The following NRN1L variants were observed in gnomAD, a reference collection of about 807,000 sequenced individuals.
The protein encoded by NRN1L is neuritin-like protein.
Under a neutral mutation model 8.8 loss-of-function variants are expected in NRN1L, and 12 were observed. The observed-to-expected ratio is 1.36, with a 90% CI of 0.87 to 2.20. The LOEUF is 2.20. Ranked by LOEUF, NRN1L falls within the 30% of genes most tolerant of loss-of-function variation. NRN1L has a pLI of 0.00. For missense variants in NRN1L, 266 were observed against 232.4 expected, an observed-to-expected ratio of 1.14 and a Z score of -0.94; for synonymous variants, 114 against 99.2, an observed-to-expected ratio of 1.15 and a Z score of -0.88.
chr16:67,888,387 G>A (rs1230267629), downstream of NRN1L, among the ~76,000 whole-genome samples: 1 of 152,128 alleles, frequency 6.6e-6, no homozygotes, highest in Non-Finnish European at 1.5e-5. Flanking sequence ...CTAGGAGCAG[G>A]GGCCTGGCTG....
Position 67,884,918 on chromosome 16 carries a change from C to A in NRN1L, c.15C>A (p.Cys5Ter). The A allele has an allele frequency of 1.2e-6, 2 of 1,605,434 alleles. No individual in the cohort carries two copies. The highest frequency in any genetic ancestry group is 1.7e-4 in the Middle Eastern group (1 of 6,058). Reference sequence around the variant, plus strand: ...CTCAGCCAGGGATGATGCGCTGCTGCCGCCGCCGCTGCTGCTGCCGGCAAC... The same window carrying A: ...CTCAGCCAGGGATGATGCGCTGCTGACGCCGCCGCTGCTGCTGCCGGCAAC... The part of the protein sequence containing the change: MMRC[C>*]RRRCCCRQPP... The change falls in exon 1 of 3, where the codon TGC becomes TGA. Residue 5 changes from cysteine to a stop codon, truncating the protein, a stop_gained. Transcript: ENST00000339176. LOFTEE classifies it high-confidence loss of function. This position sits in a 1 kb window ranked among gnomAD's most constrained non-coding sequence, Gnocchi z 4.1.
At chr16:67,887,804 G>A (rs1418308513), downstream of NRN1L, among the ~76,000 whole-genome samples, 1 of 151,976 alleles carries the variant, frequency 6.6e-6, no homozygotes, top group East Asian at 1.9e-4. Flanking sequence ...GGATGGTCTC[G>A]ATCTCCTGAC....
chr16:67,887,436 C>G (rs936126669), downstream of NRN1L, among the ~76,000 whole-genome samples: 3 of 151,370 alleles, frequency 2.0e-5, no homozygotes. Context: ...CCATGCCCGA[C>G]TAATTTTATA....
chr16:67,885,713 C>CCCCCA lies in NRN1L; in HGVS notation c.80-9_80-8insCCCCA. 3 of 1,509,800 alleles carry CCCCCA rather than the reference C, an allele frequency of 2.0e-6. No homozygotes were observed. The highest frequency in any genetic ancestry group is 1.8e-6 in the Non-Finnish European group (2 of 1,104,168). 93.5% of individuals were successfully genotyped at this position (1,509,800 alleles called of 1,614,324 possible). A position where few individuals can be genotyped will look rare whatever the true frequency, so the allele number is the denominator to read the frequency against. On this transcript the variant is annotated splice_polypyrimidine_tract_variant and intron_variant, in intron 1 of 2. Transcript: ENST00000339176. ...TTCCTTCCCCACCCCACCCCCGCCCCACTTCTAGTCCTTTTACCTCCCCTG... is the reference window on the plus strand; with the variant it reads ...TTCCTTCCCCACCCCACCCCCGCCCCCCCCAACTTCTAGTCCTTTTACCTCCCCTG...
Position 67,885,702 on chromosome 16 carries a change from C to CCCCCCCCCCCCCCCACA in NRN1L, c.80-20_80-19insCCCCCCCCCCCCCCACA. 2.5e-6 allele frequency: 3 copies of CCCCCCCCCCCCCCCACA among 1,199,904 alleles called. No homozygotes were observed. The highest frequency in any genetic ancestry group is 3.5e-6 in the Non-Finnish European group (3 of 845,958). The allele number at this position is 1,199,904 out of a possible 1,614,324, so 74.3% of individuals were successfully genotyped here. A position where few individuals can be genotyped will look rare whatever the true frequency, so the allele number is the denominator to read the frequency against. ...CCTATCTACCATTCCTTCCCCACCC[C>CCCCCCCCCCCCCCCACA]ACCCCCGCCCCACTTCTAGTCCTTT... On this transcript the variant is annotated intron_variant, in intron 1 of 2. Transcript: ENST00000339176.
rs369449482 is a variant in NRN1L at position 67,884,916 on chromosome 16, T to C, written c.13T>C (p.Cys5Arg). MMRCCRRRCCCRQPP... is the reference protein window; with the variant it reads MMRCRRRRCCCRQPP... ...CTCTCAGCCAGGGATGATGCGCTGC[T>C]GCCGCCGCCGCTGCTGCTGCCGGCA... The change falls in exon 1 of 3, where the codon TGC becomes CGC. Residue 5 changes from cysteine to arginine, a missense_variant. Coordinates refer to ENST00000339176, the MANE Select transcript of NRN1L (RefSeq NM_198443.2). This position sits in a 1 kb window ranked among gnomAD's most constrained non-coding sequence, Gnocchi z 4.1. 1.1e-5 allele frequency: 18 copies of C among 1,605,324 alleles called. No individual in the cohort carries two copies. The African/African-American group carries it at 1.7e-4, about 15-fold the overall frequency.
At chr16:67,885,497 C>T (rs951641555) in intron 1 of NRN1L, 5 of 538,860 alleles carry the variant, frequency 9.3e-6, no homozygotes, top group Admixed American at 7.5e-5. Context: ...ACCTGGGGTA[C>T]ACAACACCCC....
chr16:67,887,291 AC>A (rs1413287734), downstream of NRN1L, among the ~76,000 whole-genome samples: 1 of 145,454 alleles, frequency 6.9e-6, no homozygotes, highest in African/African-American at 2.5e-5. Context: ...TTTATTCTTT[AC>A]TTTTTTTTTT....
intron 1 of NRN1L, chr16:67,885,331 T>C (rs2058090965): frequency 4.1e-6 from 2 of 488,790 alleles, no homozygotes; most frequent in African/African-American, 4.0e-5. Context: ...TTAGAGAGAG[T>C]TCGGAGGGCC....
In NRN1L at chr16:67,885,708, C is replaced by A. The variant is rs773444821; in HGVS notation, c.80-14C>A. On this transcript the variant is annotated splice_polypyrimidine_tract_variant and intron_variant, in intron 1 of 2. Transcript: ENST00000339176. ...TACCATTCCTTCCCCACCCCACCCC[C>A]GCCCCACTTCTAGTCCTTTTACCTC... is the stretch of plus-strand genomic sequence containing the variant. 3.5e-6 allele frequency: 5 copies of A among 1,419,956 alleles called. No individual in the cohort carries two copies. Among genetic ancestry groups the A allele is most frequent in the Admixed American group, 2.0e-5 (1 of 48,836 alleles). 88.0% of individuals were successfully genotyped at this position (1,419,956 alleles called of 1,614,324 possible).
At position 67,885,959 on chromosome 16, in the gene NRN1L, C is replaced by G. The variant is rs1373834968; in HGVS notation, c.213-15C>G. On this transcript the variant is annotated splice_polypyrimidine_tract_variant and intron_variant, in intron 2 of 2. Coordinates refer to ENST00000339176, the MANE Select transcript of NRN1L (RefSeq NM_198443.2). ...CTTGCCTCACCTAATCCCCCTAATC[C>G]CACTCCCTTAACAGGTCTTGGAATG... 6.2e-7 allele frequency: 1 copy of G among 1,612,830 alleles called. No homozygotes were observed. The highest frequency in any genetic ancestry group is 8.5e-7 in the Non-Finnish European group (1 of 1,179,290).
Position 67,886,163 on chromosome 16 carries a change from G to A in NRN1L, c.402G>A (p.Thr134=), listed in dbSNP as rs779900445. The A allele has an allele frequency of 9.9e-6, 16 of 1,608,072 alleles. No homozygotes were observed. Among genetic ancestry groups the A allele is most frequent in the African/African-American group, 1.3e-5 (1 of 74,904 alleles). ...RGTGSETNQE[T]LRATAPALPM... Reference sequence around the variant, plus strand: ...CAGGCTCCGAAACCAACCAGGAGACGCTGCGGGCTACAGCGCCTGCACTCC... The same window carrying A: ...CAGGCTCCGAAACCAACCAGGAGACACTGCGGGCTACAGCGCCTGCACTCC... The change falls in exon 3 of 3, where the codon ACG becomes ACA. Residue 134 remains threonine (T), a synonymous_variant. Transcript: ENST00000339176.
chr16:67,885,245 C>G, intron 1 of NRN1L: 1 of 584,386 alleles, frequency 1.7e-6, no homozygotes, highest in African/African-American at 1.9e-5. Context: ...CGTAGGATCC[C>G]TAAGTCCTCT....
In NRN1L at chr16:67,885,713, C is replaced by CCCCAACA; in HGVS notation, c.80-9_80-8insCCCAACA. 6.6e-7 allele frequency: 1 copy of CCCCAACA among 1,509,808 alleles called. No homozygotes were observed. The highest frequency in any genetic ancestry group is 9.1e-7 in the Non-Finnish European group (1 of 1,104,176). The allele number at this position is 1,509,808 out of a possible 1,614,324, so 93.5% of individuals were successfully genotyped here. On this transcript the variant is annotated splice_polypyrimidine_tract_variant and intron_variant, in intron 1 of 2. Coordinates refer to ENST00000339176, the MANE Select transcript of NRN1L (RefSeq NM_198443.2). ...TTCCTTCCCCACCCCACCCCCGCCC[C>CCCCAACA]ACTTCTAGTCCTTTTACCTCCCCTG...
chr16:67,885,927 A>G (rs2058094240), intron 2 of NRN1L, 47 bp from the exon 3 acceptor site: 1 of 1,595,502 alleles, frequency 6.3e-7, no homozygotes, highest in Non-Finnish European at 8.6e-7. Flanking sequence ...TCCCAAGCTA[A>G]AGTCTCCTTG....
intron 1 of NRN1L, 29 bp from the exon 2 acceptor site, chr16:67,885,693 T>TGCCCCCCCCC: frequency 2.4e-6 from 3 of 1,257,206 alleles, no homozygotes; most frequent in Non-Finnish European, 2.2e-6. Context: ...TACCATTCCT[T>TGCCCCCCCCC]CCCCACCCCA....
At chr16:67,886,606 C>T (rs2058097394), downstream of NRN1L, among the ~76,000 whole-genome samples, 1 of 152,226 alleles carries the variant, frequency 6.6e-6, no homozygotes, top group South Asian at 2.1e-4. Flanking sequence ...CAGTCTTCCT[C>T]TACCTTCCTG....
chr16:67,885,130 A>G (rs2058089962), intron 1 of NRN1L, 148 bp downstream of exon 1: 2 of 659,474 alleles, frequency 3.0e-6, no homozygotes, highest in Non-Finnish European at 2.6e-6. Flanking sequence ...TCAGGACAGA[A>G]AGTGAGAGGC....
intron 1 of NRN1L, chr16:67,885,279 A>G (rs948172559): frequency 7.2e-6 from 4 of 557,394 alleles, no homozygotes; most frequent in African/African-American, 5.7e-5. Context: ...CTGGATCCCA[A>G]TACCTCTGCA....
Sources: allele counts gnomAD v4.1 joint callset (sites outside exome capture counted in the v4.1 genomes callset), GRCh38; gene constraint gnomAD v4.1.1; non-coding constraint Gnocchi (gnomAD v3.1); transcripts MANE v1.5; gene names NCBI Gene and HGNC (gene_info 2026-07-23, HGNC 2026-07-21).